The following BSX variants were observed in gnomAD, a reference collection of about 807,000 sequenced individuals.
BSX encodes the protein brain specific homeobox, also known as brain-specific homeobox protein homolog.
In BSX, 12 loss-of-function variants were observed where a neutral mutation model predicts 16.9. That is an observed-to-expected ratio of 0.71 (90% CI 0.46 to 1.15). The LOEUF (loss-of-function observed/expected upper bound fraction) is 1.15. Among genes scored for constraint, BSX ranks in the 50% most tolerant of loss-of-function variants. The probability of loss-of-function intolerance (pLI) is 0.00; values close to 1 mark genes in which losing one functional copy is unlikely to be tolerated. For missense variants in BSX, 292 were observed against 311.8 expected, an observed-to-expected ratio of 0.94 and a Z score of 0.48; for synonymous variants, 160 against 136.4, an observed-to-expected ratio of 1.17 and a Z score of -1.20.
In BSX at chr11:122,977,642, T is replaced by A; in HGVS notation, c.*7A>T. 6.2e-7 allele frequency: 1 copy of A among 1,605,898 alleles called. No homozygotes were observed. Among genetic ancestry groups the A allele is most frequent in the Non-Finnish European group, 8.5e-7 (1 of 1,179,540 alleles). On this transcript the variant is annotated 3_prime_UTR_variant, in exon 3 of 3. Coordinates refer to ENST00000343035, the MANE Select transcript of BSX (RefSeq NM_001098169.2). This position sits in a 1 kb window ranked among gnomAD's most constrained non-coding sequence, Gnocchi z 4.5. ...CCCCTGCCTACTACCCTCCCCAGCC[T>A]GGCGGCTCAGAGCACGTGCGGCCCT...
At position 122,981,784 on chromosome 11, in the gene BSX, C is replaced by T. The variant is rs540801711; in HGVS notation, c.-113G>A. ...CCACCCTCCGAGGCTCGAATCTCCGCTGCTCTCTCCCGGGCCTGGGCTACC... is the reference window on the plus strand; with the variant it reads ...CCACCCTCCGAGGCTCGAATCTCCGTTGCTCTCTCCCGGGCCTGGGCTACC... On this transcript the variant is annotated 5_prime_UTR_variant, in exon 1 of 3. Coordinates refer to ENST00000343035, the MANE Select transcript of BSX (RefSeq NM_001098169.2). 693 of 1,145,118 alleles carry T rather than the reference C, an allele frequency of 6.1e-4. 6 individuals are homozygous for T. In the South Asian group the frequency reaches 0.01, roughly 17 times the overall value. The allele number at this position is 1,145,118 out of a possible 1,614,324, so 70.9% of individuals were successfully genotyped here. A position where few individuals can be genotyped will look rare whatever the true frequency, so the allele number is the denominator to read the frequency against.
At position 122,977,848 on chromosome 11, in the gene BSX, T is replaced by G. The variant is rs759132794; in HGVS notation, c.503A>C (p.Gln168Pro). 2.5e-6 allele frequency: 4 copies of G among 1,613,930 alleles called. No homozygotes were observed. Among genetic ancestry groups the G allele is most frequent in the Non-Finnish European group, 3.4e-6 (4 of 1,179,964 alleles). ...FQNRRMKHKKQLRKSQDEPKA... is the reference protein window; with the variant it reads ...FQNRRMKHKKPLRKSQDEPKA... ...GGGTTCGTCTTGGCTTTTCCGCAGT[T>G]GCTTTTTATGCTTCATCCGCCGGTT... The change falls in exon 3 of 3, where the codon CAA (glutamine) becomes CCA (proline). Residue 168 changes from glutamine to proline, a missense_variant. Transcript: ENST00000343035. The surrounding 1 kb of genome is among the most constrained non-coding windows in gnomAD (Gnocchi z 4.5).
Position 122,981,588 on chromosome 11 carries a change from G to A in BSX, c.84C>T (p.His28=), listed in dbSNP as rs777490317. The A allele has an allele frequency of 1.9e-6, 3 of 1,598,940 alleles. No homozygotes were observed. Among genetic ancestry groups the A allele is most frequent in the Non-Finnish European group, 1.7e-6 (2 of 1,173,112 alleles). ...CCACCTCTCTCAGCGGCTTGGGCTT[G>A]TGCAGCAGGATGTCCTCGATGAAGA... ...TSFFIEDILL[H]KPKPLREVAP... The change falls in exon 1 of 3, where the codon CAC becomes CAT. Residue 28 remains histidine, a synonymous_variant. Transcript: ENST00000343035.
At chr11:122,980,216 G>T (rs752215199) in intron 1 of BSX, among the ~76,000 whole-genome samples, 3 of 152,152 alleles carry the variant, frequency 2.0e-5, no homozygotes, top group African/African-American at 4.8e-5. Flanking sequence ...GGCCGGGTCC[G>T]GGGAGACTTG....
intron 1 of BSX, among the ~76,000 whole-genome samples, 168 bp downstream of exon 1, chr11:122,981,240 GCT>G (rs1324179798): frequency 6.6e-6 from 1 of 152,210 alleles, no homozygotes; most frequent in Non-Finnish European, 1.5e-5. Context: ...CCTCTAGGGA[GCT>G]CTGCATGGCC....
chr11:122,980,400 T>C (rs927085533), intron 1 of BSX, among the ~76,000 whole-genome samples: 1 of 152,160 alleles, frequency 6.6e-6, no homozygotes, highest in Admixed American at 6.5e-5. Flanking sequence ...CAGCTGAGAA[T>C]AGATTGTCAC....
intron 1 of BSX, among the ~76,000 whole-genome samples, chr11:122,981,166 A>G (rs538486078): frequency 2.6e-5 from 4 of 152,270 alleles, no homozygotes; most frequent in African/African-American, 9.6e-5. Flanking sequence ...CCTCTTGACC[A>G]GGCACCTATC....
At chr11:122,979,187 G>C in intron 2 of BSX, 74 bp downstream of exon 2, 1 of 1,366,870 alleles carries the variant, frequency 7.3e-7, no homozygotes, top group Middle Eastern at 1.9e-4. Flanking sequence ...ACTCCACAAG[G>C]TCCCGAAGGT....
At chr11:122,980,412 G>C (rs1221661139) in intron 1 of BSX, among the ~76,000 whole-genome samples, 2 of 152,128 alleles carry the variant, frequency 1.3e-5, no homozygotes, top group Non-Finnish European at 2.9e-5. Context: ...GATTGTCACC[G>C]GCGGGTGGTG....
rs754833961 is a variant in BSX, at chr11:122,981,565, A to C, written c.107T>G (p.Val36Gly). Reference protein sequence around the residue: ...LLHKPKPLREVAPDHFASSLA... With the variant: ...LLHKPKPLREGAPDHFASSLA... ...AGAGCTGGCGAAATGGTCTGGGGCC[A>C]CCTCTCTCAGCGGCTTGGGCTTGTG... Residue 36 changes from valine to glycine, a missense_variant, in exon 1 of 3, where the codon GTG (valine) becomes GGG (glycine). This residue lies in a region of BSX where 176 missense variants were observed against 187.2 expected (regional missense o/e 0.94). Coordinates refer to ENST00000343035, the MANE Select transcript of BSX (RefSeq NM_001098169.2). 1 of 1,600,136 alleles carries C rather than the reference A, an allele frequency of 6.2e-7. No individual in the cohort carries two copies. Among genetic ancestry groups the C allele is most frequent in the South Asian group, 1.1e-5 (1 of 88,138 alleles).
In BSX at chr11:122,980,417, G is replaced by T. The variant is rs549977445; in HGVS notation, c.263-960C>A. 5.9e-5 allele frequency among the ~76,000 whole-genome samples: 9 copies of T among 152,244 alleles called. No individual in the cohort carries two copies. The East Asian group carries it at 1.5e-3, about 26-fold the overall frequency. The stretch of plus-strand genomic sequence containing the variant: ...GCTGAGAATAGATTGTCACCGGCGG[G>T]TGGTGAAGCCAGTGCAGAGATGCGG... On this transcript the variant is annotated intron_variant, in intron 1 of 2. Transcript: ENST00000343035.
rs776273119 is a variant in BSX, at chr11:122,979,392, G to T, written c.328C>A (p.Arg110Ser). The change falls in exon 2 of 3, where the codon CGC becomes AGC. Residue 110 changes from arginine (R) to serine (S), a missense_variant. Coordinates refer to ENST00000343035, the MANE Select transcript of BSX (RefSeq NM_001098169.2). ...HAELPGKHCR[R>S]RKARTVFSDS... ...GAGAAAACCGTGCGGGCTTTGCGGC[G>T]GCGGCAGTGCTTCCCCGGCAGCTCC... The T allele has an allele frequency of 1.2e-6, 2 of 1,614,022 alleles. No individual in the cohort carries two copies. The highest frequency in any genetic ancestry group is 1.7e-6 in the Non-Finnish European group (2 of 1,180,000).
Position 122,981,620 on chromosome 11 carries a change from T to C in BSX, c.52A>G (p.Thr18Ala), listed in dbSNP as rs1378432579. The C allele has an allele frequency of 1.3e-6, 2 of 1,598,884 alleles. No individual in the cohort carries two copies. Among genetic ancestry groups the C allele is most frequent in the Admixed American group, 3.5e-5 (2 of 57,672 alleles). The stretch of plus-strand genomic sequence containing the variant: ...AGGATGTCCTCGATGAAGAAGGATG[T>C]GGGCCTCTGAGAAGACGCCGGGTGT... ...PLHPASSQRP[T>A]SFFIEDILLH... The change falls in exon 1 of 3, where the codon ACA becomes GCA. Residue 18 changes from threonine to alanine, a missense_variant. Thr to Ala is a moderately conservative substitution (Grantham distance 58). Transcript: ENST00000343035.
chr11:122,977,733 G>C lies in BSX; in HGVS notation c.618C>G (p.Ala206=). The C allele has an allele frequency of 1.2e-6, 2 of 1,609,256 alleles. No individual in the cohort carries two copies. The highest frequency in any genetic ancestry group is 1.7e-6 in the Non-Finnish European group (2 of 1,179,578). Residue 206 remains alanine (A), a synonymous_variant, in exon 3 of 3, where the codon GCC becomes GCG. Coordinates refer to ENST00000343035, the MANE Select transcript of BSX (RefSeq NM_001098169.2). The surrounding 1 kb of genome is among the most constrained non-coding windows in gnomAD (Gnocchi z 4.5). ...TAAEARLSLP[A]GPFVLTEPED... is the part of the protein sequence containing the mutation. The stretch of plus-strand genomic sequence containing the variant: ...CTGGCTCGGTCAGCACGAAGGGACC[G>C]GCGGGCAGGCTCAGCCGAGCCTCGG...
At position 122,979,411 on chromosome 11, in the gene BSX, C is replaced by T. The variant is rs766726778; in HGVS notation, c.309G>A (p.Leu103=). 1.2e-6 allele frequency: 2 copies of T among 1,613,708 alleles called. No individual in the cohort carries two copies. Among genetic ancestry groups the T allele is most frequent in the Admixed American group, 1.7e-5 (1 of 60,004 alleles). The change falls in exon 2 of 3, where the codon CTG becomes CTA. Residue 103 remains leucine, a synonymous_variant. Transcript: ENST00000343035. ...ALFPHPQHAE[L]PGKHCRRRKA... ...TGCGGCGGCGGCAGTGCTTCCCCGGCAGCTCCGCGTGCTGCGGGTGCGGGA... is the reference window on the plus strand; with the variant it reads ...TGCGGCGGCGGCAGTGCTTCCCCGGTAGCTCCGCGTGCTGCGGGTGCGGGA...
In BSX at chr11:122,979,390, G is replaced by A. The variant is rs1270226194; in HGVS notation, c.330C>T (p.Arg110=). ...CAGAGAAAACCGTGCGGGCTTTGCG[G>A]CGGCGGCAGTGCTTCCCCGGCAGCT... The part of the protein sequence containing the change: ...HAELPGKHCR[R]RKARTVFSDS... Residue 110 remains arginine, a synonymous_variant, in exon 2 of 3, where the codon CGC becomes CGT. Coordinates refer to ENST00000343035, the MANE Select transcript of BSX (RefSeq NM_001098169.2). 5 of 1,614,084 alleles carry A rather than the reference G, an allele frequency of 3.1e-6. No homozygotes were observed. In the African/African-American group the frequency reaches 4.0e-5, roughly 13 times the overall value.
chr11:122,979,223 C>T (rs747622846), intron 2 of BSX, 38 bp downstream of exon 2: 4 of 1,568,784 alleles, frequency 2.5e-6, no homozygotes, highest in Admixed American at 3.6e-5. Flanking sequence ...CAGAGAGGAA[C>T]GAAGCAGAGA....
At chr11:122,979,631 G>GAAAAA (rs3057446) in intron 1 of BSX, among the ~76,000 whole-genome samples, 174 bp from the exon 2 acceptor site, 1 of 123,588 alleles carries the variant, frequency 8.1e-6, no homozygotes, top group African/African-American at 2.9e-5. Flanking sequence ...GGCAGAGGAA[G>GAAAAA]AAAAAAAAAA....
In BSX at chr11:122,979,462, A is replaced by G. The variant is rs1334879159; in HGVS notation, c.263-5T>C. On this transcript the variant is annotated splice_polypyrimidine_tract_variant and splice_region_variant and intron_variant, in intron 1 of 2. Coordinates refer to ENST00000343035, the MANE Select transcript of BSX (RefSeq NM_001098169.2). Reference sequence around the variant, plus strand: ...ACAGCGCTGGGACTGGCATCCCTGCAGAGAGAAGAGCAACCAAGTGGGCAG... The same window carrying G: ...ACAGCGCTGGGACTGGCATCCCTGCGGAGAGAAGAGCAACCAAGTGGGCAG... The G allele has an allele frequency of 8.7e-6, 14 of 1,607,722 alleles. No individual in the cohort carries two copies. The highest frequency in any genetic ancestry group is 1.2e-5 in the Non-Finnish European group (14 of 1,178,314).
Sources: gnomAD v4.1 joint callset for allele counts (sites outside exome capture counted in the v4.1 genomes callset) on GRCh38, gnomAD v4.1.1 for gene constraint, gnomAD v4.1.1 regional missense constraint, Gnocchi (gnomAD v3.1) non-coding constraint, MANE v1.5 for transcripts, NCBI Gene and HGNC (gene_info 2026-07-23, HGNC 2026-07-21) for gene names.